The following PPP4R2 variants were observed in gnomAD, a reference collection of about 807,000 sequenced individuals.
PPP4R2 encodes protein phosphatase 4 regulatory subunit 2, also known as serine/threonine-protein phosphatase 4 regulatory subunit 2.
A neutral mutation model predicts 47.2 loss-of-function variants in PPP4R2; 13 were observed. The ratio of observed to expected loss-of-function variants is 0.28; its 90% confidence interval spans 0.18 to 0.44. The LOEUF is 0.44. PPP4R2 is among the 20% of genes least tolerant of loss of function. PPP4R2 has a pLI of 1.00. For synonymous variants in PPP4R2, 151 were observed against 163.3 expected (o/e 0.92, Z 0.57); for missense variants, 421 against 491.2 (o/e 0.86, Z 1.35).
intron 2 of PPP4R2, among the ~76,000 whole-genome samples, chr3:73,003,614 C>T (rs4677225): frequency 1.3e-5 from 2 of 152,062 alleles, no homozygotes; most frequent in South Asian, 2.1e-4. Flanking sequence ...CTCTGTCTCT[C>T]GTCAGTTTGG....
chr3:73,048,216 T>G (rs1388556737), intron 3 of PPP4R2, among the ~76,000 whole-genome samples: 1 of 151,816 alleles, frequency 6.6e-6, no homozygotes, highest in Non-Finnish European at 1.5e-5. Flanking sequence ...TCATACTCTG[T>G]CATTTTAAAT....
intron 2 of PPP4R2, among the ~76,000 whole-genome samples, chr3:73,038,906 A>G (rs796933719): frequency 5.3e-5 from 8 of 152,224 alleles, no homozygotes; most frequent in African/African-American, 1.9e-4. Context: ...TGGATCCTTT[A>G]TGTGTACAAC....
chr3:73,060,937 C>T, intron 4 of PPP4R2, 86 bp from the exon 5 acceptor site: 2 of 875,122 alleles, frequency 2.3e-6, no homozygotes, highest in East Asian at 2.9e-5. Flanking sequence ...ATTTAACCCA[C>T]CAGAGTGATT....
intron 2 of PPP4R2, among the ~76,000 whole-genome samples, chr3:73,026,202 C>G (rs554162297): frequency 1.3e-5 from 2 of 152,184 alleles, no homozygotes; most frequent in Admixed American, 1.3e-4. Flanking sequence ...TGATATTTTT[C>G]TATTTGTTCC....
chr3:73,035,421 G>T (rs895696247), intron 2 of PPP4R2, among the ~76,000 whole-genome samples: 3 of 151,928 alleles, frequency 2.0e-5, no homozygotes, highest in African/African-American at 7.3e-5. Flanking sequence ...AAAAAGAAAT[G>T]GCAGATTCTG....
chr3:73,059,267 G>A lies in PPP4R2; in HGVS notation c.381+137G>A, dbSNP rs1702793575. 4 of 543,244 alleles carry A rather than the reference G, an allele frequency of 7.4e-6. No homozygotes were observed. The South Asian group carries it at 1.1e-4, about 15-fold the overall frequency. The allele number at this position is 543,244 out of a possible 1,614,324, so 33.7% of individuals were successfully genotyped here. A position where few individuals can be genotyped will look rare whatever the true frequency, so the allele number is the denominator to read the frequency against. On this transcript the variant is annotated intron_variant, in intron 4 of 8. Coordinates refer to ENST00000356692, the MANE Select transcript of PPP4R2 (RefSeq NM_174907.4). ...CAGCCTACCTTGAGTTTCCCAAATT[G>A]TTTTCCAAATTGCATTCTGTTTTAC...
chr3:73,003,961 A>G (rs1179297400), intron 2 of PPP4R2, among the ~76,000 whole-genome samples: 2 of 152,090 alleles, frequency 1.3e-5, no homozygotes, highest in African/African-American at 4.8e-5. Context: ...TGGCCTCCCA[A>G]AGTGCTGGGA....
intron 5 of PPP4R2, chr3:73,062,093 T>C: frequency 6.5e-7 from 1 of 1,539,142 alleles, no homozygotes; most frequent in Non-Finnish European, 8.7e-7. Flanking sequence ...TGGGTTATTT[T>C]CTTAAATTGT....
chr3:73,014,109 G>A (rs1270914656), intron 2 of PPP4R2, among the ~76,000 whole-genome samples: 1 of 129,256 alleles, frequency 7.7e-6, no homozygotes, highest in Non-Finnish European at 1.8e-5. Flanking sequence ...TAATATACTG[G>A]CACAGATGTA....
At chr3:72,997,106 CCTT>C (rs1420027314) in intron 1 of PPP4R2, 35 bp downstream of exon 1, 4 of 1,329,228 alleles carry the variant, frequency 3.0e-6, no homozygotes, top group Non-Finnish European at 3.9e-6. Flanking sequence ...TTCCCCCTCA[CCTT>C]CTCCGGCTCG....
rs1372660023 is a variant in PPP4R2 at position 73,059,142 on chromosome 3, A to AT, written c.381+14dup. 4 of 1,299,814 alleles carry AT rather than the reference A, an allele frequency of 3.1e-6. No homozygotes were observed. In the African/African-American group the frequency reaches 6.0e-5, roughly 19 times the overall value. The allele number at this position is 1,299,814 out of a possible 1,614,324, so 80.5% of individuals were successfully genotyped here. A position where few individuals can be genotyped will look rare whatever the true frequency, so the allele number is the denominator to read the frequency against. ...GAGGAGTAGAAAAGGTATTTATTTT[A>AT]TTATTGGAATTATATTATGCTGTGG... On this transcript the variant is annotated intron_variant, in intron 4 of 8. Coordinates refer to ENST00000356692, the MANE Select transcript of PPP4R2 (RefSeq NM_174907.4).
intron 5 of PPP4R2, chr3:73,063,188 A>G (rs775071290): frequency 1.7e-5 from 7 of 417,446 alleles, no homozygotes; most frequent in Non-Finnish European, 1.3e-5. Context: ...AAAGCTCCTG[A>G]TGTTATACCA....
intron 3 of PPP4R2, among the ~76,000 whole-genome samples, chr3:73,048,339 G>T (rs1303430067): frequency 6.6e-6 from 1 of 152,110 alleles, no homozygotes; most frequent in Non-Finnish European, 1.5e-5. Flanking sequence ...CGCAACCTCC[G>T]CCTGCCAGGT....
intron 2 of PPP4R2, among the ~76,000 whole-genome samples, chr3:73,042,361 C>CTTTTTTTT (rs10709279): frequency 4.0e-5 from 3 of 75,928 alleles, no homozygotes; most frequent in African/African-American, 9.5e-5. Flanking sequence ...AATATAATTT[C>CTTTTTTTT]TTTTTTTTTT....
chr3:73,054,358 A>G (rs754902837), intron 3 of PPP4R2, among the ~76,000 whole-genome samples: 1 of 152,242 alleles, frequency 6.6e-6, no homozygotes, highest in Non-Finnish European at 1.5e-5. Context: ...CTGAGTAGAG[A>G]AAGAACATAC....
intron 2 of PPP4R2, among the ~76,000 whole-genome samples, chr3:72,999,552 C>T (rs548386328): frequency 1.5e-3 from 228 of 152,324 alleles, no homozygotes; most frequent in Middle Eastern, 6.8e-3. Context: ...CTTAAAACGT[C>T]TTACTCAGTT....
At chr3:73,054,356 A>AT (rs1175183241) in intron 3 of PPP4R2, among the ~76,000 whole-genome samples, 1 of 152,250 alleles carries the variant, frequency 6.6e-6, no homozygotes, top group Non-Finnish European at 1.5e-5. Flanking sequence ...GCCTGAGTAG[A>AT]GAAAGAACAT....
chr3:73,062,630 C>G (rs777443412), intron 5 of PPP4R2: 1 of 1,613,988 alleles, frequency 6.2e-7, no homozygotes, highest in Non-Finnish European at 8.5e-7. Flanking sequence ...CATCAGTTCT[C>G]CGCCACTGCT....
At chr3:73,011,354 G>A (rs1701721488) in intron 2 of PPP4R2, among the ~76,000 whole-genome samples, 1 of 152,152 alleles carries the variant, frequency 6.6e-6, no homozygotes, top group Non-Finnish European at 1.5e-5. Context: ...GGTGGCAGGC[G>A]CTTTTAGTCG....
Sources: allele counts gnomAD v4.1 joint callset (sites outside exome capture counted in the v4.1 genomes callset), GRCh38; gene constraint gnomAD v4.1.1; transcripts MANE v1.5; gene names NCBI Gene and HGNC (gene_info 2026-07-23, HGNC 2026-07-21).